The following CALD1 variants were observed in gnomAD, a reference collection of about 807,000 sequenced individuals.
CALD1 encodes the protein caldesmon 1, also known as caldesmon.
Under a neutral mutation model 99.9 loss-of-function variants are expected in CALD1, and 33 were observed. That is an observed-to-expected ratio of 0.33 (90% CI 0.25 to 0.44). The LOEUF is 0.44. Among genes scored for constraint, CALD1 ranks in the 20% least tolerant of loss-of-function variants. The pLI, the probability that CALD1 is intolerant of heterozygous loss-of-function variation, is 1.00. For synonymous variants in CALD1, 310 were observed against 325.0 expected, an observed-to-expected ratio of 0.95 and a Z score of 0.50; for missense variants, 861 against 962.1, an observed-to-expected ratio of 0.89 and a Z score of 1.39.
chr7:134,855,189 G>A (rs73151918), intron 2 of CALD1, among the ~76,000 whole-genome samples: 16,413 of 152,262 alleles, frequency 0.11, 959 homozygotes, highest in East Asian at 0.17. Flanking sequence ...AATGCACAGT[G>A]CAAGGATCTA....
intron 7 of CALD1, among the ~76,000 whole-genome samples, chr7:134,946,870 TAG>T (rs1374834759): frequency 6.6e-6 from 1 of 151,768 alleles, no homozygotes; most frequent in Non-Finnish European, 1.5e-5. Flanking sequence ...TGTATTTTAG[TAG>T]AGACAGGGTT....
upstream of CALD1, among the ~76,000 whole-genome samples, chr7:134,776,522 A>AT (rs1401420488): frequency 6.6e-6 from 1 of 151,816 alleles, no homozygotes; most frequent in Non-Finnish European, 1.5e-5. Flanking sequence ...TCAATTACTA[A>AT]TTTTTTCATC....
intron 3 of CALD1, among the ~76,000 whole-genome samples, chr7:134,890,394 C>T (rs941735999): frequency 7.2e-5 from 11 of 152,248 alleles, no homozygotes; most frequent in South Asian, 6.2e-4. Flanking sequence ...TCCTTGTCTG[C>T]GTGTGACATG....
intron 2 of CALD1, among the ~76,000 whole-genome samples, chr7:134,865,711 C>T (rs1193019485): frequency 6.6e-6 from 1 of 152,128 alleles, no homozygotes; most frequent in Non-Finnish European, 1.5e-5. Flanking sequence ...TTAAGTATTC[C>T]AAGACACTGC....
intron 3 of CALD1, among the ~76,000 whole-genome samples, chr7:134,889,226 T>C (rs7812059): frequency 0.18 from 26,810 of 152,144 alleles, 3,588 homozygotes; most frequent in African/African-American, 0.38. Flanking sequence ...AGCAGGGCTG[T>C]ATTCCTTCCT....
At chr7:134,958,884 T>TATATATATATATATTTAA (rs1808004552) in intron 11 of CALD1, among the ~76,000 whole-genome samples, 1 of 45,890 alleles carries the variant, frequency 2.2e-5, no homozygotes. Flanking sequence ...TATATATATA[T>TATATATATATATATTTAA]ATATATATAT....
At chr7:134,907,032 G>A (rs747779339) in intron 3 of CALD1, among the ~76,000 whole-genome samples, 4 of 152,110 alleles carry the variant, frequency 2.6e-5, no homozygotes, top group Non-Finnish European at 2.9e-5. Flanking sequence ...AATAGTGCCC[G>A]TCTCACAGAT....
At chr7:134,869,693 G>A (rs1291598421) in intron 3 of CALD1, among the ~76,000 whole-genome samples, 1 of 152,152 alleles carries the variant, frequency 6.6e-6, no homozygotes, top group African/African-American at 2.4e-5. Context: ...CATCCAAAAG[G>A]GGATTTCCTG....
intron 3 of CALD1, chr7:134,891,443 T>C: frequency 1.5e-6 from 2 of 1,316,554 alleles, no homozygotes; most frequent in South Asian, 2.6e-5. Context: ...AAGCCCAGAC[T>C]TTCGTCACAG....
At chr7:134,889,932 G>A (rs1802066204) in intron 3 of CALD1, among the ~76,000 whole-genome samples, 1 of 151,908 alleles carries the variant, frequency 6.6e-6, no homozygotes, top group African/African-American at 2.4e-5. Flanking sequence ...TTTTTGAGAT[G>A]GAGTCTCACT....
intron 1 of CALD1, among the ~76,000 whole-genome samples, chr7:134,763,108 T>C (rs547599058): frequency 5.1e-4 from 78 of 152,352 alleles, no homozygotes; most frequent in Middle Eastern, 6.8e-3. Context: ...GTCTATCTAA[T>C]CGATCTCTCA....
At chr7:134,716,337 T>C in the CALD1 span, among the ~76,000 whole-genome samples, 1 of 152,190 alleles carries the variant, frequency 6.6e-6, no homozygotes, top group East Asian at 1.9e-4. Context: ...CTAGCTCAGA[T>C]GCAAGAATTA....
chr7:134,785,361 A>C (rs1180597185), intron 1 of CALD1, among the ~76,000 whole-genome samples: 1 of 152,234 alleles, frequency 6.6e-6, no homozygotes, highest in Non-Finnish European at 1.5e-5. Flanking sequence ...CTTCATATGA[A>C]TCTTCCATGT....
At position 134,909,700 on chromosome 7, in the gene CALD1, A is replaced by G. The variant is rs549441059; in HGVS notation, c.72-19054A>G. Among the ~76,000 whole-genome samples, 7 of 152,314 alleles carry G rather than the reference A, an allele frequency of 4.6e-5. 1 individual carries two copies. Among genetic ancestry groups the G allele is most frequent in the Admixed American group, 2.0e-4 (3 of 15,290 alleles). On this transcript the variant is annotated intron_variant, in intron 3 of 14. Transcript: ENST00000361675. ...GAGCAAAACGCAGTCTCAAAAAAAA[A>G]GGAACTTCGTTTGGAAGTGCAGACT...
intron 1 of CALD1, among the ~76,000 whole-genome samples, chr7:134,792,385 G>A (rs1797574398): frequency 6.6e-6 from 1 of 151,164 alleles, no homozygotes; most frequent in Non-Finnish European, 1.5e-5. Flanking sequence ...CATCTCCCAG[G>A]TTCAAGCAAT....
At chr7:134,866,672 C>A (rs1800813661) in intron 2 of CALD1, among the ~76,000 whole-genome samples, 1 of 152,092 alleles carries the variant, frequency 6.6e-6, no homozygotes, top group Admixed American at 6.5e-5. Context: ...TATTTTTTCA[C>A]ACAGGGCAAA....
the CALD1 span, among the ~76,000 whole-genome samples, chr7:134,728,497 C>G: frequency 6.6e-6 from 1 of 152,216 alleles, no homozygotes; most frequent in Non-Finnish European, 1.5e-5. Context: ...GTGTAGGCTA[C>G]AGTCTGTTTA....
chr7:134,962,131 A>G (rs1300206270), intron 13 of CALD1: 2 of 152,086 alleles, frequency 1.3e-5, no homozygotes, highest in Non-Finnish European at 2.9e-5. Flanking sequence ...GATATTTGCA[A>G]TCTTTCATTT....
intron 7 of CALD1, among the ~76,000 whole-genome samples, chr7:134,946,206 AG>A (rs1305096597): frequency 1.4e-4 from 22 of 152,158 alleles, no homozygotes; most frequent in African/African-American, 4.8e-4. Context: ...GTATGATATC[AG>A]TATGATATCA....
Sources: gnomAD v4.1 joint callset for allele counts (sites outside exome capture counted in the v4.1 genomes callset) on GRCh38, gnomAD v4.1.1 for gene constraint, MANE v1.5 for transcripts, NCBI Gene and HGNC (gene_info 2026-07-23, HGNC 2026-07-21) for gene names.